Variants in WDFY4 observed in about 807,000 individuals in gnomAD.
WDFY4 encodes WDFY family member 4.
WDFY4 carries 169 observed loss-of-function variants against 351.9 expected under a neutral mutation model. The ratio of observed to expected loss-of-function variants is 0.48; its 90% confidence interval spans 0.42 to 0.55. The LOEUF (loss-of-function observed/expected upper bound fraction) is 0.55. WDFY4 is among the 20% of genes least tolerant of loss of function. The pLI, the probability that WDFY4 is intolerant of heterozygous loss-of-function variation, is 0.00. For synonymous variants in WDFY4, 1,622 were observed against 1,574.6 expected, an observed-to-expected ratio of 1.03 and a Z score of -0.71; for missense variants, 3,803 against 3,935.6, an observed-to-expected ratio of 0.97 and a Z score of 0.90.
intron 19 of WDFY4, among the ~76,000 whole-genome samples, chr10:48,782,575 T>C (rs1318738256): frequency 1.3e-5 from 2 of 152,008 alleles, no homozygotes; most frequent in African/African-American, 4.8e-5. Flanking sequence ...ACTGACAGAG[T>C]GCGCTTTCCA....
intron 19 of WDFY4, among the ~76,000 whole-genome samples, chr10:48,785,234 C>T (rs2066367181): frequency 6.6e-6 from 1 of 151,986 alleles, no homozygotes; most frequent in Non-Finnish European, 1.5e-5. Flanking sequence ...TATATATATA[C>T]ATATATATTC....
intron 40 of WDFY4, among the ~76,000 whole-genome samples, chr10:48,867,594 G>T (rs1030727016): frequency 2.4e-4 from 36 of 152,186 alleles, no homozygotes; most frequent in Admixed American, 6.5e-5. Context: ...GCCAGTCAGA[G>T]CTTTATTTGA....
At chr10:48,818,085 A>C (rs1176350316) in intron 32 of WDFY4, among the ~76,000 whole-genome samples, 4 of 152,190 alleles carry the variant, frequency 2.6e-5, no homozygotes, top group Non-Finnish European at 4.4e-5. Context: ...AGCGAGAAGG[A>C]GGTGAGGACT....
chr10:48,883,228 C>T (rs1424536423), intron 43 of WDFY4, among the ~76,000 whole-genome samples: 5 of 152,226 alleles, frequency 3.3e-5, no homozygotes, highest in Admixed American at 2.6e-4. Context: ...CCTACCTGCC[C>T]TCCTGCATGT....
intron 39 of WDFY4, among the ~76,000 whole-genome samples, chr10:48,845,870 T>G (rs768412615): frequency 6.6e-6 from 1 of 152,320 alleles, no homozygotes; most frequent in Non-Finnish European, 1.5e-5. Context: ...GTGCTCCAGC[T>G]TCCTGAATGC....
intron 13 of WDFY4, among the ~76,000 whole-genome samples, chr10:48,767,836 G>A (rs907551714): frequency 1.3e-5 from 2 of 152,156 alleles, no homozygotes; most frequent in Non-Finnish European, 1.5e-5. Flanking sequence ...TTCACCTTTT[G>A]GGGGTGGGTG....
intron 39 of WDFY4, among the ~76,000 whole-genome samples, chr10:48,852,941 A>G (rs2069007288): frequency 6.6e-6 from 1 of 151,974 alleles, no homozygotes; most frequent in Non-Finnish European, 1.5e-5. Context: ...CAAATCTCTA[A>G]TTGACCCATT....
At chr10:48,931,025 C>A (rs1839966134) in intron 47 of WDFY4, among the ~76,000 whole-genome samples, 1 of 151,874 alleles carries the variant, frequency 6.6e-6, no homozygotes, top group South Asian at 2.1e-4. Context: ...AAATTCCCTG[C>A]AACAGATATA....
chr10:48,788,681 T>A lies in WDFY4; in HGVS notation c.3954+6T>A. The A allele has an allele frequency of 3.2e-6, 5 of 1,551,242 alleles. No individual in the cohort carries two copies. The highest frequency in any genetic ancestry group is 4.4e-6 in the Non-Finnish European group (5 of 1,146,638). Reference sequence around the variant, plus strand: ...GCCGCCTGATCGCCAAAGAGGTACATCTTCTAACTTCGCTGCTAATCTCTG... The same window carrying A: ...GCCGCCTGATCGCCAAAGAGGTACAACTTCTAACTTCGCTGCTAATCTCTG... On this transcript the variant is annotated splice_donor_region_variant and intron_variant, in intron 21 of 61. Coordinates refer to ENST00000325239, the MANE Select transcript of WDFY4 (RefSeq NM_001394531.1).
chr10:48,847,469 A>C (rs991264923), intron 39 of WDFY4, among the ~76,000 whole-genome samples: 3 of 152,186 alleles, frequency 2.0e-5, no homozygotes, highest in South Asian at 4.1e-4. Flanking sequence ...AACTCCTCTG[A>C]CCCCAGGGTA....
At chr10:48,980,930 C>T (rs1038503985) in intron 60 of WDFY4, among the ~76,000 whole-genome samples, 2 of 152,038 alleles carry the variant, frequency 1.3e-5, no homozygotes, top group Non-Finnish European at 2.9e-5. Flanking sequence ...CTGGTTGTGG[C>T]GTGAGAGGAT....
chr10:48,965,640 T>G (rs1842040452), intron 54 of WDFY4, among the ~76,000 whole-genome samples: 1 of 152,120 alleles, frequency 6.6e-6, no homozygotes, highest in Non-Finnish European at 1.5e-5. Context: ...AGCTTCCACC[T>G]CTTCTCCCTC....
chr10:48,898,865 C>T (rs544473735), intron 45 of WDFY4, among the ~76,000 whole-genome samples: 1 of 151,036 alleles, frequency 6.6e-6, no homozygotes, highest in Admixed American at 6.6e-5. Flanking sequence ...CAATCTCCAC[C>T]TCAGCTCTGC....
In WDFY4 at chr10:48,807,846, T is replaced by G; in HGVS notation, c.4739-13T>G. The G allele has an allele frequency of 6.4e-7, 1 of 1,551,434 alleles. No individual in the cohort carries two copies. The highest frequency in any genetic ancestry group is 8.7e-7 in the Non-Finnish European group (1 of 1,146,790). On this transcript the variant is annotated splice_polypyrimidine_tract_variant and intron_variant, in intron 27 of 61. Coordinates refer to ENST00000325239, the MANE Select transcript of WDFY4 (RefSeq NM_001394531.1). ...ACATCCATTTTCTCTCAAATCTGAA[T>G]TCTTTTTTGTAGCTGGAAGCCAAAC...
At chr10:48,726,489 T>C (rs1312614974) in intron 6 of WDFY4, among the ~76,000 whole-genome samples, 1 of 152,212 alleles carries the variant, frequency 6.6e-6, no homozygotes, top group Non-Finnish European at 1.5e-5. Flanking sequence ...AGGAAGAGAA[T>C]GCACTTTCAA....
chr10:48,685,761 T>A (rs1025607532), intron 1 of WDFY4, among the ~76,000 whole-genome samples: 1 of 152,190 alleles, frequency 6.6e-6, no homozygotes, highest in African/African-American at 2.4e-5. Flanking sequence ...ACCCTTTCCA[T>A]GGAGCACACT....
intron 43 of WDFY4, among the ~76,000 whole-genome samples, chr10:48,880,505 G>T (rs1413828003): frequency 6.6e-6 from 1 of 152,236 alleles, no homozygotes; most frequent in African/African-American, 2.4e-5. Flanking sequence ...TGTCAGAAAT[G>T]CCACACACTG....
At chr10:48,769,395 T>C (rs2065786047) in intron 13 of WDFY4, among the ~76,000 whole-genome samples, 1 of 152,200 alleles carries the variant, frequency 6.6e-6, no homozygotes, top group Non-Finnish European at 1.5e-5. Flanking sequence ...GTAAAGCTCA[T>C]CCGTAGGCCC....
At chr10:48,943,598 CT>C (rs373976945) in intron 49 of WDFY4, 149 bp downstream of exon 49, 48,581 of 609,512 alleles carry the variant, frequency 0.08, 1 homozygote, top group South Asian at 0.13. Context: ...GCTCAGATCT[CT>C]TTTTTTTTTT....
Sources: gnomAD v4.1 joint callset for allele counts (sites outside exome capture counted in the v4.1 genomes callset) on GRCh38, gnomAD v4.1.1 for gene constraint, MANE v1.5 for transcripts, NCBI Gene and HGNC (gene_info 2026-07-23, HGNC 2026-07-21) for gene names.